The following DSP variants were observed in gnomAD, a reference collection of about 807,000 sequenced individuals.
DSP encodes 250/210 kDa paraneoplastic pemphigus antigen.
In DSP, 114 loss-of-function variants were observed where a neutral mutation model predicts 290.6. The observed-to-expected ratio is 0.39, with a 90% CI of 0.34 to 0.46. DSP has a LOEUF of 0.46. Among genes scored for constraint, DSP ranks in the 20% least tolerant of loss-of-function variants. The probability of loss-of-function intolerance (pLI) is 0.99; values close to 1 mark genes in which losing one functional copy is unlikely to be tolerated. For missense variants in DSP, 3,230 were observed against 3,495.8 expected (o/e 0.92, Z 1.92); for synonymous variants, 1,311 against 1,316.4 (o/e 1.00, Z 0.09).
intron 1 of DSP, among the ~76,000 whole-genome samples, chr6:7,547,310 G>A (rs1481627746): frequency 6.6e-6 from 1 of 152,012 alleles, no homozygotes; most frequent in Non-Finnish European, 1.5e-5. Flanking sequence ...GCTCACCACC[G>A]ACACCTTGGG....
chr6:7,567,096 T>C (rs1296763396), intron 8 of DSP, among the ~76,000 whole-genome samples: 1 of 152,214 alleles, frequency 6.6e-6, no homozygotes, highest in Non-Finnish European at 1.5e-5. Context: ...TCAGTATCTC[T>C]GCTATTTGGG....
At chr6:7,558,367 CAAATGTTCCCAAGG>C in intron 3 of DSP, 103 bp downstream of exon 3, 2 of 1,482,712 alleles carry the variant, frequency 1.3e-6, no homozygotes, top group South Asian at 2.4e-5. Flanking sequence ...GAAGGCAGCA[CAAATGTTCCCAAGG>C]AAAGGTTTGC....
intron 23 of DSP, among the ~76,000 whole-genome samples, chr6:7,581,781 A>G (rs969535035): frequency 1.3e-5 from 2 of 152,232 alleles, no homozygotes; most frequent in Non-Finnish European, 2.9e-5. Flanking sequence ...ATTGCATCAA[A>G]TGCTGATCTC....
Position 7,585,795 on chromosome 6 carries a change from T to C in DSP, c.8533T>C (p.Ser2845Pro). 6.2e-7 allele frequency: 1 copy of C among 1,610,882 alleles called. No homozygotes were observed. Among genetic ancestry groups the C allele is most frequent in the Non-Finnish European group, 8.5e-7 (1 of 1,179,202 alleles). Residue 2845 changes from serine (S) to proline (P), a missense_variant, in exon 24 of 24, where the codon TCC becomes CCC. By Grantham distance (74) the Ser-to-Pro change is moderately conservative. This residue lies in a region of DSP where 582 missense variants were observed against 555.4 expected (regional missense o/e 1.05). Coordinates refer to ENST00000379802, the MANE Select transcript of DSP (RefSeq NM_004415.4). ...SGSRSGSRSG[S>P]RRGSFDATGN... ...ATCTCGCTCCGGGTCCCGCAGTGGG[T>C]CCCGGAGAGGAAGCTTTGACGCCAC...
At chr6:7,548,065 C>G (rs1356462403) in intron 1 of DSP, among the ~76,000 whole-genome samples, 1 of 151,956 alleles carries the variant, frequency 6.6e-6, no homozygotes, top group East Asian at 1.9e-4. Flanking sequence ...TCAGGAGTTC[C>G]AGCCCAGCCT....
At chr6:7,573,127 T>TGTGC (rs1315372854) in intron 15 of DSP, among the ~76,000 whole-genome samples, 12 of 151,872 alleles carry the variant, frequency 7.9e-5, no homozygotes, top group Non-Finnish European at 1.6e-4. Context: ...AATGTGTGTG[T>TGTGC]GTGTGTGTGT....
intron 13 of DSP, 59 bp from the exon 14 acceptor site, chr6:7,571,324 C>T: frequency 6.2e-7 from 1 of 1,603,360 alleles, no homozygotes; most frequent in Non-Finnish European, 8.5e-7. Flanking sequence ...GCCAACTCTT[C>T]TTGATTGCAT....
chr6:7,562,832 G>A (rs550684292), intron 5 of DSP, 52 bp downstream of exon 5: 98 of 1,610,458 alleles, frequency 6.1e-5, no homozygotes, highest in Admixed American at 2.2e-4. Flanking sequence ...CCGAAGGATC[G>A]TGTAATTACT....
chr6:7,566,802 C>T (rs1320899992), intron 8 of DSP, among the ~76,000 whole-genome samples: 4 of 152,148 alleles, frequency 2.6e-5, no homozygotes, highest in African/African-American at 9.7e-5. Context: ...AGAAGTGGGC[C>T]ACATGTGGCC....
intron 3 of DSP, 21 bp downstream of exon 3, chr6:7,558,285 A>G (rs1319146418): frequency 6.2e-7 from 1 of 1,610,080 alleles, no homozygotes; most frequent in Admixed American, 1.7e-5. Context: ...CAGAGCATGG[A>G]TCGGGCAGTC....
At chr6:7,574,915 A>C (rs905241635) in intron 17 of DSP, 120 bp downstream of exon 17, 1 of 1,297,244 alleles carries the variant, frequency 7.7e-7, no homozygotes, top group East Asian at 2.3e-5. Flanking sequence ...TTCAGTGGCC[A>C]CACAGGTTGA....
intron 13 of DSP, among the ~76,000 whole-genome samples, chr6:7,571,072 C>A (rs1759028859): frequency 6.6e-6 from 1 of 152,016 alleles, no homozygotes; most frequent in Admixed American, 6.5e-5. Context: ...CTTTTGGGGT[C>A]CCCCGAGCCC....
At chr6:7,577,559 C>A (rs965427310) in intron 20 of DSP, among the ~76,000 whole-genome samples, 2 of 152,116 alleles carry the variant, frequency 1.3e-5, no homozygotes, top group Non-Finnish European at 2.9e-5. Flanking sequence ...AACTCCCGAT[C>A]TCAGGGGATC....
At position 7,567,763 on chromosome 6, in the gene DSP, C is replaced by T. The variant is rs759193293; in HGVS notation, c.1141-18C>T. The T allele has an allele frequency of 6.8e-6, 11 of 1,613,592 alleles. No homozygotes were observed. The South Asian group carries it at 1.2e-4, about 18-fold the overall frequency. ...ATTGAGTTGCTGTTCATTCACTGAT[C>T]ACTCTCATCCTTCACAGTTTTTTGA... On this transcript the variant is annotated intron_variant, in intron 9 of 23. Transcript: ENST00000379802.
intron 7 of DSP, among the ~76,000 whole-genome samples, chr6:7,566,160 T>A (rs1758857147): frequency 6.6e-6 from 1 of 152,190 alleles, no homozygotes; most frequent in South Asian, 2.1e-4. Context: ...TCTTTCCTCC[T>A]GTGTCATCTT....
Position 7,575,430 on chromosome 6 carries a change from GA to G in DSP, c.2577del (p.Val860SerfsTer4). ...LYDLDLGKFG[E>X]KVTQLTDRWQ... ...TGATCTGGACTTGGGCAAGTTCGGT[GA>G]AAAAGTCACACAGCTGACAGACCGC... On this transcript the variant is annotated frameshift_variant, in exon 18 of 24. Coordinates refer to ENST00000379802, the MANE Select transcript of DSP (RefSeq NM_004415.4). LOFTEE classifies it high-confidence loss of function. The G allele has an allele frequency of 6.2e-7, 1 of 1,614,164 alleles. No homozygotes were observed. The highest frequency in any genetic ancestry group is 8.5e-7 in the Non-Finnish European group (1 of 1,180,026).
At position 7,585,917 on chromosome 6, in the gene DSP, T is replaced by C. The variant is rs145079869; in HGVS notation, c.*39T>C. On this transcript the variant is annotated 3_prime_UTR_variant, in exon 24 of 24. Coordinates refer to ENST00000379802, the MANE Select transcript of DSP (RefSeq NM_004415.4). ...GTGGTTGCTATACCTTGACTTCATT[T>C]ATATGAATTTCCACTTTATTAAATA... 2,473 of 1,584,950 alleles carry C rather than the reference T, an allele frequency of 1.6e-3. 69 individuals carry two copies. In the East Asian group the frequency reaches 0.047, roughly 30 times the overall value.
intron 5 of DSP, 34 bp downstream of exon 5, chr6:7,562,814 A>AAT: frequency 1.2e-6 from 2 of 1,613,348 alleles, no homozygotes; most frequent in Admixed American, 3.3e-5. Context: ...GAGTCTTCAA[A>AAT]ATATCTACCG....
At chr6:7,571,670 C>G in intron 14 of DSP, 86 bp downstream of exon 14, 1 of 1,561,172 alleles carries the variant, frequency 6.4e-7, no homozygotes, top group Non-Finnish European at 8.8e-7. Flanking sequence ...GTTTCAGAAC[C>G]ATTTCTCTGA....
Sources: allele counts gnomAD v4.1 joint callset (sites outside exome capture counted in the v4.1 genomes callset), GRCh38; gene constraint gnomAD v4.1.1; regional missense constraint gnomAD v4.1.1; transcripts MANE v1.5; gene names NCBI Gene and HGNC (gene_info 2026-07-23, HGNC 2026-07-21).